The following RNFT2 variants were observed in gnomAD, a reference collection of about 807,000 sequenced individuals.
RNFT2 encodes E3 ubiquitin-protein ligase RNFT2.
A neutral mutation model predicts 53.0 loss-of-function variants in RNFT2; 36 were observed. The ratio of observed to expected loss-of-function variants is 0.68; its 90% CI spans 0.52 to 0.90. RNFT2 has a LOEUF of 0.90. Among genes scored for constraint, RNFT2 ranks in the 40% least tolerant of loss-of-function variants. The pLI is 0.00. For synonymous variants in RNFT2, 260 were observed against 253.2 expected, an observed-to-expected ratio of 1.03 and a Z score of -0.26; for missense variants, 514 against 585.6, an observed-to-expected ratio of 0.88 and a Z score of 1.26.
At chr12:116,791,415 A>G (rs1160852243) in intron 7 of RNFT2, among the ~76,000 whole-genome samples, 4 of 152,162 alleles carry the variant, frequency 2.6e-5, no homozygotes, top group Admixed American at 6.5e-5. Flanking sequence ...GGTTCAAGCA[A>G]TTCTCCTGCC....
At position 116,826,126 on chromosome 12, in the gene RNFT2, A is replaced by C. The variant is rs185853040; in HGVS notation, c.883-7666A>C. On this transcript the variant is annotated intron_variant, in intron 7 of 10. Transcript: ENST00000257575. ...CCCATGTAGGTGCGTTCTTCCAAAAAATTCTCCTCTCTGTTCATTTCTTCT... is the reference window on the plus strand; with the variant it reads ...CCCATGTAGGTGCGTTCTTCCAAAACATTCTCCTCTCTGTTCATTTCTTCT... 3.9e-4 allele frequency among the ~76,000 whole-genome samples: 59 copies of C among 151,946 alleles called. 2 individuals are homozygous for C. In the East Asian group the frequency reaches 5.8e-3, roughly 15 times the overall value.
chr12:116,768,538 T>A (rs1873022526), intron 6 of RNFT2, among the ~76,000 whole-genome samples: 1 of 152,224 alleles, frequency 6.6e-6, no homozygotes, highest in Non-Finnish European at 1.5e-5. Flanking sequence ...GCAGCCATCA[T>A]AACGCTGTAG....
chr12:116,834,556 A>G (rs1334233300), intron 8 of RNFT2, among the ~76,000 whole-genome samples: 1 of 152,082 alleles, frequency 6.6e-6, no homozygotes, highest in Non-Finnish European at 1.5e-5. Flanking sequence ...GTCACTCCCC[A>G]TTCTTCCAAC....
chr12:116,837,512 C>T (rs1476588491), intron 10 of RNFT2, among the ~76,000 whole-genome samples: 2 of 151,910 alleles, frequency 1.3e-5, no homozygotes, highest in Non-Finnish European at 1.5e-5. Flanking sequence ...TTTTTAACAT[C>T]GACAAGCATT....
chr12:116,800,320 A>G (rs1372029791), intron 7 of RNFT2, among the ~76,000 whole-genome samples: 1 of 151,568 alleles, frequency 6.6e-6, no homozygotes, highest in Non-Finnish European at 1.5e-5. Context: ...AACATGGTGA[A>G]GCTCTGTCTC....
chr12:116,743,080 C>CAAA (rs10558117), intron 3 of RNFT2, among the ~76,000 whole-genome samples: 2 of 49,416 alleles, frequency 4.0e-5, no homozygotes, highest in African/African-American at 8.4e-5. Context: ...GACCCTATCT[C>CAAA]AAAAAAAAAA....
At position 116,851,769 on chromosome 12, in the gene RNFT2, A is replaced by C; in HGVS notation, c.*2321A>C. Reference sequence around the variant, plus strand: ...AAAAAAAAAAAGAAAGAAAGAAGGGAGGGAGGGAGGAAGGAAGGAAGGAAG... The same window carrying C: ...AAAAAAAAAAAGAAAGAAAGAAGGGCGGGAGGGAGGAAGGAAGGAAGGAAG... On this transcript the variant is annotated 3_prime_UTR_variant, in exon 11 of 11. Transcript: ENST00000257575. 1 of 764,898 alleles carries C rather than the reference A, an allele frequency of 1.3e-6. No individual in the cohort carries two copies. The highest frequency in any genetic ancestry group is 2.2e-6 in the Non-Finnish European group (1 of 449,264). The allele number at this position is 764,898 out of a possible 1,614,324, so 47.4% of individuals were successfully genotyped here.
chr12:116,825,188 C>T (rs750457161), intron 7 of RNFT2, among the ~76,000 whole-genome samples: 1 of 152,150 alleles, frequency 6.6e-6, no homozygotes, highest in Non-Finnish European at 1.5e-5. Context: ...CAATTAGTCT[C>T]AGAGCTGCTC....
chr12:116,846,732 C>A (rs768880616), intron 10 of RNFT2, among the ~76,000 whole-genome samples: 1 of 151,964 alleles, frequency 6.6e-6, no homozygotes, highest in Non-Finnish European at 1.5e-5. Context: ...ATTTACTGAT[C>A]ATTAACATTT....
chr12:116,750,894 A>ATATAT, intron 4 of RNFT2, among the ~76,000 whole-genome samples: 1 of 7,366 alleles, frequency 1.4e-4, no homozygotes, highest in Non-Finnish European at 2.5e-4. Context: ...TATATATAAT[A>ATATAT]TATATATATA....
At chr12:116,846,753 CT>C (rs1223221501) in intron 10 of RNFT2, among the ~76,000 whole-genome samples, 2 of 151,982 alleles carry the variant, frequency 1.3e-5, no homozygotes, top group Admixed American at 1.3e-4. Context: ...TACATTTGCC[CT>C]TTTTTTGACA....
intron 7 of RNFT2, among the ~76,000 whole-genome samples, chr12:116,823,900 C>G (rs1024896848): frequency 1.3e-5 from 2 of 151,724 alleles, no homozygotes; most frequent in Non-Finnish European, 1.5e-5. Flanking sequence ...CCATTAGCCC[C>G]ATTTTACTAG....
chr12:116,779,395 T>G (rs769267063), intron 7 of RNFT2, 47 bp downstream of exon 7: 1 of 1,605,730 alleles, frequency 6.2e-7, no homozygotes, highest in Non-Finnish European at 8.5e-7. Context: ...ACATGGATCA[T>G]GCAGAGGATT....
chr12:116,819,315 C>A (rs1183510312), intron 7 of RNFT2, among the ~76,000 whole-genome samples: 1 of 152,222 alleles, frequency 6.6e-6, no homozygotes, highest in Non-Finnish European at 1.5e-5. Flanking sequence ...CCGCGAAGGG[C>A]TAAGAGCCTC....
intron 3 of RNFT2, among the ~76,000 whole-genome samples, chr12:116,742,360 C>T (rs948088682): frequency 1.6e-4 from 24 of 150,520 alleles, no homozygotes; most frequent in African/African-American, 5.6e-4. Context: ...CTCGACCTCT[C>T]AGGCTCAAGC....
chr12:116,797,330 C>A (rs914539691), intron 7 of RNFT2, among the ~76,000 whole-genome samples: 1 of 152,114 alleles, frequency 6.6e-6, no homozygotes, highest in African/African-American at 2.4e-5. Context: ...GAGGCTGAGG[C>A]AGGTGGATCA....
chr12:116,833,999 G>A (rs1200217460), intron 8 of RNFT2, 58 bp downstream of exon 8: 2 of 1,464,794 alleles, frequency 1.4e-6, no homozygotes, highest in Admixed American at 2.8e-5. Context: ...CACTAGTCAG[G>A]CCTCAGGGGG....
chr12:116,802,202 C>T (rs986124443), intron 7 of RNFT2, among the ~76,000 whole-genome samples: 1 of 152,202 alleles, frequency 6.6e-6, no homozygotes, highest in African/African-American at 2.4e-5. Context: ...CTCACACACT[C>T]ACATAGTAAA....
chr12:116,813,860 C>A (rs1185106345), intron 7 of RNFT2, among the ~76,000 whole-genome samples: 1 of 152,134 alleles, frequency 6.6e-6, no homozygotes, highest in African/African-American at 2.4e-5. Context: ...AAGTCATGGA[C>A]CTTGGATGAG....
Sources: gnomAD v4.1 joint callset for allele counts (sites outside exome capture counted in the v4.1 genomes callset) on GRCh38, gnomAD v4.1.1 for gene constraint, MANE v1.5 for transcripts, NCBI Gene and HGNC (gene_info 2026-07-23, HGNC 2026-07-21) for gene names.